Variants in CLIC5 observed in about 807,000 individuals in gnomAD.
The protein encoded by CLIC5 is chloride intracellular channel protein 5.
A neutral mutation model predicts 24.7 loss-of-function variants in CLIC5; 20 were observed. The ratio of observed to expected loss-of-function variants is 0.81; its 90% CI spans 0.57 to 1.18. CLIC5 has a LOEUF of 1.18. Among genes scored for constraint, CLIC5 ranks in the 50% most tolerant of loss-of-function variants. The pLI is 0.00. For synonymous variants in CLIC5, 159 were observed against 135.6 expected (o/e 1.17, Z -1.20); for missense variants, 341 against 326.1 (o/e 1.05, Z -0.35).
At chr6:45,930,265 C>G (rs3777566) in intron 4 of CLIC5, among the ~76,000 whole-genome samples, 5,440 of 152,228 alleles carry the variant, frequency 0.036, 222 homozygotes, top group East Asian at 0.21. Flanking sequence ...TGAATCCTTT[C>G]AAGCACTTTT....
At chr6:46,015,437 G>A (rs1386722439) in intron 1 of CLIC5, 43 bp downstream of exon 1, 2 of 1,475,478 alleles carry the variant, frequency 1.4e-6, no homozygotes, top group African/African-American at 1.4e-5. Flanking sequence ...TGAGCCCGGC[G>A]GGAGGCGCGG....
chr6:45,965,004 T>C (rs1016237256), intron 1 of CLIC5, among the ~76,000 whole-genome samples: 4 of 152,224 alleles, frequency 2.6e-5, no homozygotes, highest in East Asian at 1.9e-4. Context: ...GAAGAGCTTG[T>C]TAAACACCCT....
In CLIC5 at chr6:46,031,803, A is replaced by C. The variant is rs1767505983; in HGVS notation, c.540+47900T>G. On this transcript the variant is annotated intron_variant, in intron 1 of 5. Transcript: ENST00000185206. ...CCCTTGATATGTTGTTAAGTGAAAA[A>C]AAAATCAAACTATGAAAGAGTGCAT... 2.0e-5 allele frequency among the ~76,000 whole-genome samples: 3 copies of C among 151,256 alleles called. No individual in the cohort carries two copies. The Admixed American group carries it at 2.0e-4, about 10-fold the overall frequency.
At chr6:45,940,725 C>T (rs968570433) in intron 4 of CLIC5, among the ~76,000 whole-genome samples, 13 of 152,164 alleles carry the variant, frequency 8.5e-5, no homozygotes, top group Admixed American at 2.6e-4. Context: ...GGAATGGCTG[C>T]CATTGCCCAT....
intron 1 of CLIC5, among the ~76,000 whole-genome samples, chr6:46,028,239 T>A (rs1767397127): frequency 6.6e-6 from 1 of 152,108 alleles, no homozygotes; most frequent in African/African-American, 2.4e-5. Context: ...TCTGATTGAG[T>A]TCACCAGTCA....
the CLIC5 span, among the ~76,000 whole-genome samples, chr6:46,110,808 A>C: frequency 6.6e-6 from 1 of 152,210 alleles, no homozygotes; most frequent in Non-Finnish European, 1.5e-5. Context: ...GTCTAGTCTT[A>C]GATTCTTCAT....
At chr6:46,071,986 A>T (rs1048787902) in intron 1 of CLIC5, among the ~76,000 whole-genome samples, 1 of 152,190 alleles carries the variant, frequency 6.6e-6, no homozygotes, top group African/African-American at 2.4e-5. Context: ...ATGCAGGAAC[A>T]GAAAACCAAA....
chr6:45,962,835 C>T (rs1414341751), intron 1 of CLIC5, among the ~76,000 whole-genome samples: 1 of 152,194 alleles, frequency 6.6e-6, no homozygotes, highest in African/African-American at 2.4e-5. Context: ...GGGCCCAAGG[C>T]TGCCTACAAC....
In CLIC5 at chr6:45,913,732, C is replaced by T. The variant is rs918213862; in HGVS notation, c.588+496G>A. On this transcript the variant is annotated intron_variant, in intron 5 of 5. Transcript: ENST00000339561. ...AAGAAAGTGACATCACTTCTTGCAA[C>T]CTCCACCTCTTCATTTGATAGATGA... 6 of 1,197,034 alleles carry T rather than the reference C, an allele frequency of 5.0e-6. No homozygotes were observed. The African/African-American group carries it at 7.9e-5, about 16-fold the overall frequency. The allele number at this position is 1,197,034 out of a possible 1,614,324, so 74.2% of individuals were successfully genotyped here.
intron 1 of CLIC5, among the ~76,000 whole-genome samples, chr6:46,079,470 G>A (rs1320859994): frequency 1.3e-5 from 2 of 152,212 alleles, no homozygotes; most frequent in Non-Finnish European, 2.9e-5. Context: ...TTTGCCCATG[G>A]TATGTAAAAG....
At chr6:45,987,751 G>C (rs1377871283) in intron 1 of CLIC5, among the ~76,000 whole-genome samples, 1 of 152,084 alleles carries the variant, frequency 6.6e-6, no homozygotes, top group East Asian at 1.9e-4. Flanking sequence ...GAGAGAGAGA[G>C]AATATCTCTC....
intron 1 of CLIC5, among the ~76,000 whole-genome samples, chr6:46,013,834 T>C (rs1009044888): frequency 6.6e-6 from 1 of 152,182 alleles, no homozygotes; most frequent in African/African-American, 2.4e-5. Context: ...TCTGAGTAAG[T>C]CCTAGAATCG....
At chr6:46,083,042 T>G (rs567694231), upstream of CLIC5, among the ~76,000 whole-genome samples, 1 of 152,352 alleles carries the variant, frequency 6.6e-6, no homozygotes, top group African/African-American at 2.4e-5. Flanking sequence ...GCTGACATAT[T>G]TATCCTTCAT....
chr6:45,912,385 C>T, intron 5 of CLIC5: 1 of 1,083,278 alleles, frequency 9.2e-7, no homozygotes, highest in Non-Finnish European at 1.1e-6. Context: ...TAATTTAAGG[C>T]AGGTGGGAAT....
the CLIC5 span, among the ~76,000 whole-genome samples, chr6:46,094,372 G>A: frequency 6.6e-6 from 1 of 152,170 alleles, no homozygotes. Flanking sequence ...AATGTCCAAA[G>A]TCTCATCTGA....
chr6:46,079,465 C>T (rs1297502662), intron 1 of CLIC5, among the ~76,000 whole-genome samples: 1 of 152,172 alleles, frequency 6.6e-6, no homozygotes, highest in Non-Finnish European at 1.5e-5. Flanking sequence ...AATACTTTGC[C>T]CATGGTATGT....
At chr6:45,992,475 A>AT (rs1295712634) in intron 1 of CLIC5, among the ~76,000 whole-genome samples, 2 of 152,236 alleles carry the variant, frequency 1.3e-5, no homozygotes, top group Non-Finnish European at 2.9e-5. Flanking sequence ...TCACGGAGAG[A>AT]TTCTTTATTG....
intron 4 of CLIC5, among the ~76,000 whole-genome samples, chr6:45,932,396 C>T (rs902243499): frequency 1.3e-5 from 2 of 152,246 alleles, no homozygotes; most frequent in African/African-American, 4.8e-5. Flanking sequence ...CGTGAGCCAC[C>T]ATGCCCGGCC....
chr6:46,074,899 A>G (rs1296939606), intron 1 of CLIC5, among the ~76,000 whole-genome samples: 1 of 152,222 alleles, frequency 6.6e-6, no homozygotes, highest in African/African-American at 2.4e-5. Flanking sequence ...GTATTGACAA[A>G]GTTGTGTTAG....
Sources: gnomAD v4.1 joint callset for allele counts (sites outside exome capture counted in the v4.1 genomes callset) on GRCh38, gnomAD v4.1.1 for gene constraint, MANE v1.5 for transcripts, NCBI Gene and HGNC (gene_info 2026-07-23, HGNC 2026-07-21) for gene names.